Variants in GSG1L observed in about 807,000 individuals in gnomAD.
GSG1L encodes germ cell-specific gene 1-like protein.
Under a neutral mutation model 42.1 loss-of-function variants are expected in GSG1L, and 24 were observed. The observed-to-expected ratio is 0.57, with a 90% CI of 0.41 to 0.80. The LOEUF (loss-of-function observed/expected upper bound fraction) is 0.80, where lower values mean the gene tolerates loss of function less well. GSG1L is among the 30% of genes least tolerant of loss of function. GSG1L has a pLI of 0.00. For synonymous variants in GSG1L, 215 were observed against 203.5 expected (o/e 1.06, Z -0.48); for missense variants, 445 against 472.2 (o/e 0.94, Z 0.53).
chr16:27,942,048 G>A, intron 2 of GSG1L, among the ~76,000 whole-genome samples: 1 of 151,928 alleles, frequency 6.6e-6, no homozygotes, highest in East Asian at 1.9e-4. Flanking sequence ...CAGAGAATGT[G>A]GATGTATTTA....
At chr16:28,061,215 G>A (rs1375215282) in intron 1 of GSG1L, among the ~76,000 whole-genome samples, 2 of 152,228 alleles carry the variant, frequency 1.3e-5, no homozygotes, top group African/African-American at 4.8e-5. Flanking sequence ...GGACGAAGAT[G>A]TTCCTGACAA....
rs1406166207 is a variant in GSG1L, at chr16:27,845,021, C to T, written c.591G>A (p.Val197=). The T allele has an allele frequency of 2.5e-6, 4 of 1,613,716 alleles. No individual in the cohort carries two copies. In the South Asian group the frequency reaches 3.3e-5, roughly 13 times the overall value. The stretch of plus-strand genomic sequence containing the variant: ...GACCGAGGCTCACGGTGACCTGGAA[C>T]ACCTGCGTGTACATCATGTGGGCGA... ...GMVAHMMYTQ[V]FQVTVSLGPE... Residue 197 remains valine (V), a synonymous_variant, in exon 4 of 7, where the codon GTG becomes GTA. Transcript: ENST00000447459.
At chr16:28,058,053 G>A (rs928342890) in intron 1 of GSG1L, among the ~76,000 whole-genome samples, 9 of 152,208 alleles carry the variant, frequency 5.9e-5, no homozygotes, top group South Asian at 2.1e-4. Flanking sequence ...AGCCAAACCC[G>A]GGGCTCGTGA....
At position 28,063,196 on chromosome 16, in the gene GSG1L, A is replaced by G; in HGVS notation, c.229T>C (p.Ser77Pro). 1 of 1,295,174 alleles carries G rather than the reference A, an allele frequency of 7.7e-7. No homozygotes were observed. Among genetic ancestry groups the G allele is most frequent in the Non-Finnish European group, 9.8e-7 (1 of 1,023,798 alleles). The allele number at this position is 1,295,174 out of a possible 1,614,324, so 80.2% of individuals were successfully genotyped here. Residue 77 changes from serine to proline, a missense_variant, in exon 1 of 7, where the codon TCG becomes CCG. By Grantham distance (74) the Ser-to-Pro change is moderately conservative. Around this residue, in one of 3 missense-constraint regions of GSG1L, gnomAD observed 156 missense variants for 128.3 expected, o/e 1.22. Coordinates refer to ENST00000447459, the MANE Select transcript of GSG1L (RefSeq NM_001109763.2). This position sits in a 1 kb window ranked among gnomAD's most constrained non-coding sequence, Gnocchi z 5.8. ...GCGCCGCCAGGGGGGCCGTTCCCCG[A>G]GGCGGTGGCGGCGGCGGCGGCGGCG... ...PAAAAAAATA[S>P]GNGPPGGALY... is the part of the protein sequence containing the mutation.
chr16:27,861,795 C>T (rs986057313), intron 3 of GSG1L, among the ~76,000 whole-genome samples: 22 of 152,156 alleles, frequency 1.4e-4, no homozygotes, highest in African/African-American at 4.8e-4. Flanking sequence ...ACACCCACGT[C>T]TTGTTATTTG....
intron 2 of GSG1L, among the ~76,000 whole-genome samples, chr16:27,946,597 G>A (rs796313829): frequency 3.2e-3 from 31 of 9,644 alleles, no homozygotes; most frequent in African/African-American, 0.01. Flanking sequence ...GAGAGAGAGA[G>A]AGAGAGAGAG....
chr16:27,873,842 G>A (rs1395339769), intron 3 of GSG1L, among the ~76,000 whole-genome samples: 1 of 152,176 alleles, frequency 6.6e-6, no homozygotes, highest in African/African-American at 2.4e-5. Context: ...GGGTGAAATG[G>A]ATGGCTACAG....
chr16:28,057,258 T>C (rs1343923488), intron 1 of GSG1L, among the ~76,000 whole-genome samples: 1 of 151,926 alleles, frequency 6.6e-6, no homozygotes, highest in African/African-American at 2.4e-5. Context: ...AAACGGACCA[T>C]GAAGTCAAAG....
At chr16:27,800,534 T>A (rs2082869599) in intron 6 of GSG1L, among the ~76,000 whole-genome samples, 1 of 152,148 alleles carries the variant, frequency 6.6e-6, no homozygotes, top group African/African-American at 2.4e-5. Flanking sequence ...CAACATCGCC[T>A]CCATCAAATG....
At chr16:27,818,431 G>A (rs531454603) in intron 5 of GSG1L, among the ~76,000 whole-genome samples, 16 of 152,168 alleles carry the variant, frequency 1.1e-4, no homozygotes, top group South Asian at 2.1e-4. Flanking sequence ...GAATCTCCAC[G>A]GTGCCATCTC....
At chr16:27,854,012 A>T (rs900149709) in intron 3 of GSG1L, among the ~76,000 whole-genome samples, 2 of 152,256 alleles carry the variant, frequency 1.3e-5, no homozygotes, top group South Asian at 4.1e-4. Context: ...CAGAAGACTG[A>T]GAGAACAGGA....
intron 1 of GSG1L, among the ~76,000 whole-genome samples, chr16:27,992,909 A>G (rs8052042): frequency 0.029 from 4,395 of 152,292 alleles, 206 homozygotes; most frequent in African/African-American, 0.1. Context: ...AGAAGAAGGT[A>G]TGAGGGAATG....
intron 2 of GSG1L, chr16:27,888,243 C>T (rs926154760): frequency 2.8e-5 from 11 of 393,006 alleles, no homozygotes; most frequent in Non-Finnish European, 3.5e-5. Flanking sequence ...CCGCCCCTCT[C>T]CTCACAGCAG....
intron 1 of GSG1L, among the ~76,000 whole-genome samples, chr16:28,050,789 C>A (rs1280686675): frequency 6.6e-6 from 1 of 152,184 alleles, no homozygotes; most frequent in Non-Finnish European, 1.5e-5. Context: ...TTCCAGGGGT[C>A]ATTTCTGATC....
chr16:27,888,927 G>GATAGATATAGATATAGATAGAT (rs1555506431), intron 2 of GSG1L, among the ~76,000 whole-genome samples: 162 of 142,200 alleles, frequency 1.1e-3, no homozygotes, highest in Non-Finnish European at 1.9e-3. Flanking sequence ...CTTGTGCTTA[G>GATAGATATAGATATAGATAGAT]ATAGATATAG....
chr16:27,875,159 T>G (rs1402675787), intron 3 of GSG1L, among the ~76,000 whole-genome samples: 1 of 152,196 alleles, frequency 6.6e-6, no homozygotes, highest in Admixed American at 6.5e-5. Context: ...CTCAAAGACT[T>G]GCTTTCTTCG....
chr16:27,891,932 G>A (rs2084132641), intron 2 of GSG1L, among the ~76,000 whole-genome samples: 1 of 117,476 alleles, frequency 8.5e-6, no homozygotes, highest in South Asian at 3.2e-4. Flanking sequence ...CTGATTTCCA[G>A]TGAGAGTGGT....
intron 5 of GSG1L, among the ~76,000 whole-genome samples, chr16:27,809,510 C>G (rs911368648): frequency 6.6e-6 from 1 of 151,544 alleles, no homozygotes; most frequent in African/African-American, 2.4e-5. Flanking sequence ...CCCAGGAGAT[C>G]GAGGTTGCAG....
intron 6 of GSG1L, among the ~76,000 whole-genome samples, chr16:27,803,922 G>A (rs2082921444): frequency 6.6e-6 from 1 of 151,662 alleles, no homozygotes; most frequent in Non-Finnish European, 1.5e-5. Context: ...ACGATTGATA[G>A]ATGATGGATG....
Sources: allele counts gnomAD v4.1 joint callset (sites outside exome capture counted in the v4.1 genomes callset), GRCh38; gene constraint gnomAD v4.1.1; regional missense constraint gnomAD v4.1.1; non-coding constraint Gnocchi (gnomAD v3.1); transcripts MANE v1.5; gene names NCBI Gene and HGNC (gene_info 2026-07-23, HGNC 2026-07-21).